Variants in SH3D19 observed in about 807,000 individuals in gnomAD.
SH3D19 encodes the protein SH3 domain containing 19.
In SH3D19, 58 loss-of-function variants were observed where a neutral mutation model predicts 112.1. The ratio of observed to expected loss-of-function variants is 0.52; its 90% confidence interval spans 0.42 to 0.64. The LOEUF is 0.64. SH3D19 is among the 30% of genes least tolerant of loss of function. The pLI is 0.00. For missense variants in SH3D19, 1,090 were observed against 1,263.4 expected (o/e 0.86, Z 2.08); for synonymous variants, 391 against 448.5 (o/e 0.87, Z 1.62).
chr4:151,129,978 G>C (rs902622066), intron 17 of SH3D19, among the ~76,000 whole-genome samples: 2 of 152,164 alleles, frequency 1.3e-5, no homozygotes, highest in African/African-American at 4.8e-5. Flanking sequence ...AAAAATGCAG[G>C]CAACAACCAT....
At chr4:151,269,557 A>C (rs376872084) in intron 1 of SH3D19, among the ~76,000 whole-genome samples, 1 of 152,098 alleles carries the variant, frequency 6.6e-6, no homozygotes, top group South Asian at 2.1e-4. Flanking sequence ...CTTTTCTTCT[A>C]GGGTTTTTAT....
intron 1 of SH3D19, among the ~76,000 whole-genome samples, chr4:151,239,335 G>A (rs964801531): frequency 2.0e-5 from 3 of 152,102 alleles, no homozygotes; most frequent in Non-Finnish European, 2.9e-5. Context: ...GTCTGTTGTC[G>A]AATATACTGG....
At chr4:151,180,557 C>T (rs1283333773) in intron 3 of SH3D19, among the ~76,000 whole-genome samples, 3 of 151,344 alleles carry the variant, frequency 2.0e-5, no homozygotes, top group Non-Finnish European at 4.4e-5. Flanking sequence ...CAGGCGCCCG[C>T]GACCATGCCT....
chr4:151,197,983 A>AT lies in SH3D19; in HGVS notation c.153-10521dup, dbSNP rs571936612. ...ATTTAAATTGTTGTGACACTGTAAG[A>AT]TTTTTTCCACATCAGATAACTTTAA... is the stretch of plus-strand genomic sequence containing the variant. On this transcript the variant is annotated intron_variant, in intron 2 of 19. Coordinates refer to ENST00000604030, the MANE Select transcript of SH3D19 (RefSeq NM_001378122.1). Among the ~76,000 whole-genome samples, 377 of 152,128 alleles carry AT rather than the reference A, an allele frequency of 2.5e-3. 2 individuals are homozygous for AT. Among genetic ancestry groups the AT allele is most frequent in the African/African-American group, 8.7e-3 (360 of 41,492 alleles).
At chr4:151,299,916 T>A (rs1229119886) in intron 1 of SH3D19, among the ~76,000 whole-genome samples, 1 of 152,066 alleles carries the variant, frequency 6.6e-6, no homozygotes, top group African/African-American at 2.4e-5. Flanking sequence ...ATAAAACCAA[T>A]GTCGGCCGGG....
chr4:151,227,257 G>A (rs560751286), intron 1 of SH3D19, among the ~76,000 whole-genome samples: 1 of 152,242 alleles, frequency 6.6e-6, no homozygotes, highest in African/African-American at 2.4e-5. Flanking sequence ...AAGAAATATG[G>A]AAGAAAAGGA....
intron 9 of SH3D19, among the ~76,000 whole-genome samples, chr4:151,150,206 A>AAAAATAT (rs1273707426): frequency 2.0e-3 from 91 of 46,118 alleles, no homozygotes; most frequent in Non-Finnish European, 2.9e-3. Context: ...AAAAAAAAAA[A>AAAAATAT]ATATATATAT....
intron 1 of SH3D19, chr4:151,283,327 T>G: frequency 4.0e-5 from 47 of 1,187,838 alleles, no homozygotes; most frequent in Non-Finnish European, 5.5e-5. Context: ...AAACATGAGA[T>G]CTTAATTTGG....
chr4:151,323,912 G>A (rs903574541), intron 1 of SH3D19, among the ~76,000 whole-genome samples: 1 of 152,092 alleles, frequency 6.6e-6, no homozygotes, highest in African/African-American at 2.4e-5. Context: ...AATCTAAGGT[G>A]GCCTACCCTG....
At chr4:151,192,204 TG>T (rs1762777416) in intron 2 of SH3D19, among the ~76,000 whole-genome samples, 1 of 152,216 alleles carries the variant, frequency 6.6e-6, no homozygotes, top group Admixed American at 6.5e-5. Context: ...CGCAAAGTGC[TG>T]GGATTACAGG....
intron 1 of SH3D19, among the ~76,000 whole-genome samples, chr4:151,234,127 A>G (rs1482324915): frequency 6.6e-6 from 1 of 152,208 alleles, no homozygotes; most frequent in Non-Finnish European, 1.5e-5. Context: ...CATTTGGTCT[A>G]TTCTTCTGCT....
intron 1 of SH3D19, among the ~76,000 whole-genome samples, chr4:151,250,921 C>T (rs977233409): frequency 5.3e-5 from 8 of 152,254 alleles, no homozygotes; most frequent in Admixed American, 3.9e-4. Context: ...GACTGTTGGC[C>T]GATGGATCCA....
intron 9 of SH3D19, among the ~76,000 whole-genome samples, chr4:151,156,422 C>T (rs1032749841): frequency 4.6e-5 from 7 of 152,148 alleles, no homozygotes; most frequent in African/African-American, 1.4e-4. Context: ...CTTTAAAATA[C>T]ACTACACAAA....
intron 1 of SH3D19, among the ~76,000 whole-genome samples, chr4:151,321,322 C>T (rs549907168): frequency 2.6e-5 from 4 of 152,152 alleles, no homozygotes; most frequent in African/African-American, 7.2e-5. Flanking sequence ...CAATCTCGTC[C>T]GCCTATTCCC....
Position 151,175,521 on chromosome 4 carries a change from G to T in SH3D19, c.683C>A (p.Pro228Gln). Residue 228 changes from proline to glutamine, a missense_variant, in exon 7 of 20, where the codon CCA becomes CAA. Coordinates refer to ENST00000604030, the MANE Select transcript of SH3D19 (RefSeq NM_001378122.1). ...TGGTCTGAGGTTGCTTTTTGATCTT[G>T]GTTTTGGCACTGGACATCTTGTAGC... ...PSATRCPVPK[P>Q]RSKSNLRPIP... The T allele has an allele frequency of 7.2e-7, 1 of 1,398,110 alleles. No homozygotes were observed. 86.6% of individuals were successfully genotyped at this position (1,398,110 alleles called of 1,614,324 possible).
Position 151,121,813 on chromosome 4 carries a change from C to T in SH3D19, c.*278G>A, listed in dbSNP as rs1748012471. ...ACTTCTGTGTGTGAGCCTCCCCATGCTGCCATGCCACCAGATGCTTTCCCT... is the reference window on the plus strand; with the variant it reads ...ACTTCTGTGTGTGAGCCTCCCCATGTTGCCATGCCACCAGATGCTTTCCCT... On this transcript the variant is annotated 3_prime_UTR_variant, in exon 20 of 20. Coordinates refer to ENST00000604030, the MANE Select transcript of SH3D19 (RefSeq NM_001378122.1). The T allele has an allele frequency of 3.8e-6, 1 of 262,686 alleles. No individual in the cohort carries two copies. Among genetic ancestry groups the T allele is most frequent in the East Asian group, 7.5e-5 (1 of 13,276 alleles). The allele number at this position is 262,686 out of a possible 1,614,324, so 16.3% of individuals were successfully genotyped here.
intron 1 of SH3D19, among the ~76,000 whole-genome samples, chr4:151,243,870 C>A (rs1770737371): frequency 6.6e-6 from 1 of 152,164 alleles, no homozygotes; most frequent in Non-Finnish European, 1.5e-5. Flanking sequence ...AGGAGACAAA[C>A]CATCAACAGA....
At chr4:151,162,810 C>T (rs190562670) in intron 8 of SH3D19, among the ~76,000 whole-genome samples, 52 of 152,130 alleles carry the variant, frequency 3.4e-4, no homozygotes, top group African/African-American at 1.1e-3. Context: ...CCTGACCTCA[C>T]GTGATCCACT....
chr4:151,306,482 A>C (rs1728925397), intron 1 of SH3D19, among the ~76,000 whole-genome samples: 1 of 152,198 alleles, frequency 6.6e-6, no homozygotes, highest in Non-Finnish European at 1.5e-5. Context: ...ATATGCTAAA[A>C]AGTTGGTACT....
Sources: gnomAD v4.1 joint callset for allele counts (sites outside exome capture counted in the v4.1 genomes callset) on GRCh38, gnomAD v4.1.1 for gene constraint, MANE v1.5 for transcripts, NCBI Gene and HGNC (gene_info 2026-07-23, HGNC 2026-07-21) for gene names.